Variants in RNF14 observed in about 807,000 individuals in gnomAD.
RNF14 encodes the protein E3 ubiquitin-protein ligase RNF14.
RNF14 carries 26 observed loss-of-function variants against 52.6 expected under a neutral mutation model. The observed-to-expected ratio is 0.49, with a 90% CI of 0.36 to 0.69. The LOEUF is 0.69. RNF14 is among the 30% of genes least tolerant of loss of function. The pLI is 0.00. For synonymous variants in RNF14, 194 were observed against 202.0 expected (o/e 0.96, Z 0.34); for missense variants, 404 against 560.4 (o/e 0.72, Z 2.82).
At chr5:141,985,871 G>A (rs1194459209) in intron 8 of RNF14, among the ~76,000 whole-genome samples, 4 of 152,286 alleles carry the variant, frequency 2.6e-5, no homozygotes, top group Admixed American at 1.3e-4. Flanking sequence ...ACTTTTTGAA[G>A]AGTCCAGGTC....
At chr5:141,973,333 G>A (rs1485071357) in intron 2 of RNF14, among the ~76,000 whole-genome samples, 2 of 151,472 alleles carry the variant, frequency 1.3e-5, no homozygotes, top group African/African-American at 4.9e-5. Context: ...CCACCTCCCG[G>A]TTCAAGCGAT....
rs1394843351 is a variant in RNF14 at position 141,974,840 on chromosome 5, A to C, written c.191A>C (p.Glu64Ala). 2.5e-6 allele frequency: 4 copies of C among 1,613,950 alleles called. No homozygotes were observed. Among genetic ancestry groups the C allele is most frequent in the Non-Finnish European group, 3.4e-6 (4 of 1,179,970 alleles). The change falls in exon 4 of 9, where the codon GAA becomes GCA. Residue 64 changes from glutamate to alanine, a missense_variant. By Grantham distance (107) the Glu-to-Ala change is moderately radical (BLOSUM62 -1). Transcript: ENST00000394520. The part of the protein sequence containing the change: ...SNECLQNSGF[E>A]YTICFLPPLV... The stretch of plus-strand genomic sequence containing the variant: ...GAGTGTCTCCAGAATAGTGGCTTTG[A>C]ATACACCATTTGCTTTCTGCCTCCA...
rs773678358 is a variant in RNF14, at chr5:141,980,124, T to C, written c.836T>C (p.Val279Ala). The C allele has an allele frequency of 6.2e-7, 1 of 1,613,608 alleles. No individual in the cohort carries two copies. The highest frequency in any genetic ancestry group is 8.5e-7 in the Non-Finnish European group (1 of 1,179,522). ...KCPSVATPGQ[V>A]KELVEAELFA... ...ATGGTGTTTTGTATTTCCCTCCAGG[T>C]CAAAGAGTTAGTGGAAGCAGAGTTA... The change falls in exon 6 of 9, where the codon GTC becomes GCC. Residue 279 changes from valine (V) to alanine (A), a missense_variant and splice_region_variant. Coordinates refer to ENST00000394520, the MANE Select transcript of RNF14 (RefSeq NM_004290.5).
chr5:141,956,230 C>T, upstream of RNF14: 1 of 1,614,178 alleles, frequency 6.2e-7, no homozygotes, highest in Non-Finnish European at 8.5e-7. Flanking sequence ...CATGGGTTGC[C>T]CGCTGTCCTC....
At chr5:141,965,841 G>C (rs898944813), upstream of RNF14, among the ~76,000 whole-genome samples, 1 of 152,020 alleles carries the variant, frequency 6.6e-6, no homozygotes, top group South Asian at 2.1e-4. Flanking sequence ...ATGAGAGGAG[G>C]GAGAGGATCA....
chr5:141,953,111 A>C, the RNF14 span: 1 of 152,214 alleles, frequency 6.6e-6, no homozygotes, highest in Non-Finnish European at 1.5e-5. Flanking sequence ...GACTCCCTAC[A>C]TGCCAAGCCC....
chr5:141,972,439 C>G (rs537127039), intron 2 of RNF14, among the ~76,000 whole-genome samples: 6 of 152,132 alleles, frequency 3.9e-5, no homozygotes, highest in Admixed American at 1.3e-4. Flanking sequence ...AAGCGGGCCA[C>G]TATTGGGTAT....
chr5:141,973,012 A>G (rs181884717), intron 2 of RNF14, among the ~76,000 whole-genome samples: 95 of 152,344 alleles, frequency 6.2e-4, no homozygotes, highest in African/African-American at 2.2e-3. Context: ...AAATTTTCAA[A>G]TTGTGCTTTT....
At position 141,987,950 on chromosome 5, in the gene RNF14, G is replaced by C. The variant is rs948340023; in HGVS notation, c.*160G>C. The C allele has an allele frequency of 6.3e-6, 4 of 638,838 alleles. No homozygotes were observed. Among genetic ancestry groups the C allele is most frequent in the Non-Finnish European group, 1.1e-5 (4 of 366,168 alleles). 39.6% of individuals were successfully genotyped at this position (638,838 alleles called of 1,614,324 possible). A position where few individuals can be genotyped will look rare whatever the true frequency, so the allele number is the denominator to read the frequency against. On this transcript the variant is annotated 3_prime_UTR_variant, in exon 9 of 9. Transcript: ENST00000394520. Reference sequence around the variant, plus strand: ...TATATTTTCATGTGGTACTACTGAAGAAGGTGCATTGATACATTTTTAAAT... The same window carrying C: ...TATATTTTCATGTGGTACTACTGAACAAGGTGCATTGATACATTTTTAAAT...
chr5:141,957,943 C>A, upstream of RNF14: 1 of 1,434,902 alleles, frequency 7.0e-7, no homozygotes, highest in Non-Finnish European at 9.4e-7. The surrounding 1 kb of genome is among the most constrained non-coding windows in gnomAD (Gnocchi z 4.3). Context: ...CTTGATCAGC[C>A]CCGTGCTCCT....
intron 8 of RNF14, among the ~76,000 whole-genome samples, chr5:141,985,510 C>T (rs1175721507): frequency 6.6e-6 from 1 of 152,140 alleles, no homozygotes; most frequent in East Asian, 1.9e-4. Flanking sequence ...TCTCTTAATA[C>T]AGAAAAGCTT....
At chr5:141,952,205 G>A in the RNF14 span, among the ~76,000 whole-genome samples, 1 of 152,210 alleles carries the variant, frequency 6.6e-6, no homozygotes, top group Non-Finnish European at 1.5e-5. Flanking sequence ...CAGCCCCACA[G>A]GGAGGCTGGC....
chr5:141,980,837 A>G (rs541750760), intron 6 of RNF14, among the ~76,000 whole-genome samples: 38 of 152,302 alleles, frequency 2.5e-4, no homozygotes, highest in South Asian at 2.1e-4. Context: ...TGGATGGCCA[A>G]TGCAGGGCAT....
chr5:141,953,550 C>T (rs539309976), upstream of RNF14, among the ~76,000 whole-genome samples: 1 of 152,314 alleles, frequency 6.6e-6, no homozygotes, highest in South Asian at 2.1e-4. Flanking sequence ...AAGATATGAG[C>T]ATTGGGCAAG....
chr5:141,957,647 A>G (rs1215396898), upstream of RNF14: 2 of 1,614,186 alleles, frequency 1.2e-6, no homozygotes, highest in Non-Finnish European at 1.7e-6. The surrounding 1 kb of genome is among the most constrained non-coding windows in gnomAD (Gnocchi z 4.3). Context: ...GGCAGCTGCA[A>G]CACCTGGAAG....
At position 141,972,932 on chromosome 5, in the gene RNF14, T is replaced by C. The variant is rs143406654; in HGVS notation, c.-6-651T>C. Among the ~76,000 whole-genome samples the C allele has an allele frequency of 1.2e-3, 188 of 152,234 alleles. 2 individuals are homozygous for C. The highest frequency in any genetic ancestry group is 4.1e-3 in the African/African-American group (170 of 41,546). ...GAGTGTAATATACTTTGACCACTTT[T>C]GCGAACCAGGCACATTGCTAGGTTC... On this transcript the variant is annotated intron_variant, in intron 2 of 8. Transcript: ENST00000394520.
chr5:141,965,811 A>G (rs573286104), upstream of RNF14, among the ~76,000 whole-genome samples: 4 of 152,218 alleles, frequency 2.6e-5, no homozygotes, highest in Admixed American at 2.6e-4. Flanking sequence ...CCTACCTACT[A>G]CAGGGTAGAG....
In RNF14 at chr5:141,980,109, G is replaced by A; in HGVS notation, c.835-14G>A. On this transcript the variant is annotated splice_polypyrimidine_tract_variant and intron_variant, in intron 5 of 8. Coordinates refer to ENST00000394520, the MANE Select transcript of RNF14 (RefSeq NM_004290.5). ...GGAATCATCAAACCTATGGTGTTTT[G>A]TATTTCCCTCCAGGTCAAAGAGTTA... 1 of 1,608,088 alleles carries A rather than the reference G, an allele frequency of 6.2e-7. No individual in the cohort carries two copies.
intron 1 of RNF14, among the ~76,000 whole-genome samples, chr5:141,959,978 A>G (rs1753246033): frequency 6.6e-6 from 1 of 152,194 alleles, no homozygotes; most frequent in Non-Finnish European, 1.5e-5. Context: ...TTTGCTGTTT[A>G]TTATCTTCCA....
Sources: gnomAD v4.1 joint callset for allele counts (sites outside exome capture counted in the v4.1 genomes callset) on GRCh38, gnomAD v4.1.1 for gene constraint, Gnocchi (gnomAD v3.1) non-coding constraint, MANE v1.5 for transcripts, NCBI Gene and HGNC (gene_info 2026-07-23, HGNC 2026-07-21) for gene names.